Variants in GALNT13 observed in about 807,000 individuals in gnomAD.
GALNT13 encodes the protein polypeptide N-acetylgalactosaminyltransferase 13, also known as UDP-GalNAc:polypeptide N-acetylgalactosaminyltransferase 13.
A neutral mutation model predicts 64.2 loss-of-function variants in GALNT13; 28 were observed. The ratio of observed to expected loss-of-function variants is 0.44; its 90% CI spans 0.32 to 0.60. The LOEUF is 0.60. Ranked by LOEUF, GALNT13 falls within the 20% of genes least tolerant of loss-of-function variation. The pLI, the probability that GALNT13 is intolerant of heterozygous loss-of-function variation, is 0.05. For synonymous variants in GALNT13, 214 were observed against 224.6 expected (o/e 0.95, Z 0.42); for missense variants, 577 against 669.8 (o/e 0.86, Z 1.53).
intron 9 of GALNT13, among the ~76,000 whole-genome samples, chr2:154,391,438 A>G (rs1309368940): frequency 6.6e-6 from 1 of 152,126 alleles, no homozygotes; most frequent in Admixed American, 6.5e-5. Context: ...CTCCAGACCA[A>G]CTGAATCAAA....
chr2:153,351,242 A>G, the GALNT13 span, among the ~76,000 whole-genome samples: 1 of 152,190 alleles, frequency 6.6e-6, no homozygotes, highest in Non-Finnish European at 1.5e-5. Flanking sequence ...TAATTTGTCT[A>G]GGAAACAAGT....
chr2:153,135,401 G>C, the GALNT13 span, among the ~76,000 whole-genome samples: 2 of 152,138 alleles, frequency 1.3e-5, no homozygotes, highest in Non-Finnish European at 2.9e-5. Context: ...GCAGATGGAA[G>C]TCTGCTTTTC....
chr2:153,259,805 A>T, the GALNT13 span, among the ~76,000 whole-genome samples: 1 of 152,206 alleles, frequency 6.6e-6, no homozygotes, highest in African/African-American at 2.4e-5. Context: ...TCATAGCAGT[A>T]TGAAAATTAT....
chr2:153,750,258 T>C, the GALNT13 span, among the ~76,000 whole-genome samples: 2 of 152,046 alleles, frequency 1.3e-5, no homozygotes, highest in Non-Finnish European at 1.5e-5. Flanking sequence ...TGCATCAATA[T>C]TCACCAGAGA....
At chr2:153,101,346 AC>A in the GALNT13 span, among the ~76,000 whole-genome samples, 1 of 149,724 alleles carries the variant, frequency 6.7e-6, no homozygotes, top group Non-Finnish European at 1.5e-5. Flanking sequence ...TGTGTTTTGA[AC>A]CCATTGGGTC....
the GALNT13 span, among the ~76,000 whole-genome samples, chr2:153,486,360 G>T: frequency 6.6e-3 from 1,003 of 152,050 alleles, 10 homozygotes; most frequent in African/African-American, 0.023. Flanking sequence ...ATGTAATAAG[G>T]GTAGATCAGA....
At chr2:153,716,166 G>A in the GALNT13 span, among the ~76,000 whole-genome samples, 1 of 152,130 alleles carries the variant, frequency 6.6e-6, no homozygotes. Flanking sequence ...GTGAGTTTGG[G>A]AGCCCGAGAG....
At chr2:153,147,908 G>A in the GALNT13 span, among the ~76,000 whole-genome samples, 2 of 151,818 alleles carry the variant, frequency 1.3e-5, no homozygotes, top group African/African-American at 2.4e-5. Context: ...GCTCAATGCT[G>A]TAAGTACTGG....
the GALNT13 span, among the ~76,000 whole-genome samples, chr2:153,575,852 C>T: frequency 4.8e-4 from 73 of 152,232 alleles, 1 homozygote; most frequent in African/African-American, 1.7e-3. Flanking sequence ...TTCCTGTGTC[C>T]ATGCAGGTAC....
chr2:154,269,310 G>T (rs1691193926), intron 8 of GALNT13, among the ~76,000 whole-genome samples: 1 of 151,978 alleles, frequency 6.6e-6, no homozygotes, highest in African/African-American at 2.4e-5. Context: ...TAATTTATTA[G>T]AAATCATTTT....
chr2:153,376,943 G>A, the GALNT13 span, among the ~76,000 whole-genome samples: 1 of 152,120 alleles, frequency 6.6e-6, no homozygotes, highest in Non-Finnish European at 1.5e-5. Context: ...TCTACAAAAA[G>A]CAAGGTGACT....
At chr2:153,173,597 C>A in the GALNT13 span, among the ~76,000 whole-genome samples, 408 of 152,232 alleles carry the variant, frequency 2.7e-3, 6 homozygotes, top group South Asian at 0.035. Flanking sequence ...TTCTGAGGTA[C>A]TAGGGTATAT....
chr2:153,757,601 A>G, the GALNT13 span, among the ~76,000 whole-genome samples: 52,859 of 151,918 alleles, frequency 0.35, 9,669 homozygotes, highest in African/African-American at 0.39. Flanking sequence ...CATTCCCAAC[A>G]ATAGTCTAGT....
At chr2:153,460,840 T>TA in the GALNT13 span, among the ~76,000 whole-genome samples, 1 of 152,130 alleles carries the variant, frequency 6.6e-6, no homozygotes, top group Non-Finnish European at 1.5e-5. Flanking sequence ...CACAGATACA[T>TA]CATTTTAGGC....
the GALNT13 span, among the ~76,000 whole-genome samples, chr2:153,691,812 G>C: frequency 1.2e-4 from 19 of 152,116 alleles, no homozygotes; most frequent in African/African-American, 4.3e-4. Context: ...CAGTCACTTT[G>C]GGAAACAATT....
the GALNT13 span, among the ~76,000 whole-genome samples, chr2:153,387,092 C>G: frequency 1.3e-5 from 2 of 152,018 alleles, no homozygotes; most frequent in South Asian, 2.1e-4. Flanking sequence ...GTATTTTATT[C>G]TAGAAGCGAA....
the GALNT13 span, among the ~76,000 whole-genome samples, chr2:153,766,807 G>T: frequency 6.6e-6 from 1 of 151,880 alleles, no homozygotes; most frequent in East Asian, 1.9e-4. Flanking sequence ...TATTCTTGAA[G>T]CTAATTAAAC....
the GALNT13 span, among the ~76,000 whole-genome samples, chr2:153,275,756 T>C: frequency 6.6e-6 from 1 of 152,150 alleles, no homozygotes; most frequent in Non-Finnish European, 1.5e-5. Context: ...TTTTTGCCAT[T>C]ACAATAATAT....
intron 3 of GALNT13, among the ~76,000 whole-genome samples, chr2:154,031,420 C>CTAACACATTAATTTAAATGAA (rs1334032190): frequency 2.0e-5 from 3 of 151,852 alleles, no homozygotes; most frequent in Non-Finnish European, 2.9e-5. Context: ...TTAATAATTA[C>CTAACACATTAATTTAAATGAA]ATTAAATGAA....
Sources: gnomAD v4.1 joint callset for allele counts (sites outside exome capture counted in the v4.1 genomes callset) on GRCh38, gnomAD v4.1.1 for gene constraint, MANE v1.5 for transcripts, NCBI Gene and HGNC (gene_info 2026-07-23, HGNC 2026-07-21) for gene names.